PIP5K1C: variants seen among roughly 807,000 people sequenced by gnomAD.
PIP5K1C encodes phosphatidylinositol 4-phosphate 5-kinase type-1 gamma.
A neutral mutation model predicts 80.1 loss-of-function variants in PIP5K1C; 45 were observed. The ratio of observed to expected loss-of-function variants is 0.56; its 90% CI spans 0.44 to 0.72. The LOEUF is 0.72. PIP5K1C is among the 30% of genes least tolerant of loss of function. The pLI is 0.00. For synonymous variants in PIP5K1C, 498 were observed against 420.1 expected (o/e 1.19, Z -2.27); for missense variants, 753 against 954.6 (o/e 0.79, Z 2.78).
chr19:3,696,580 C>T lies in PIP5K1C; in HGVS notation c.94+3717G>A, dbSNP rs1374266192. Among the ~76,000 whole-genome samples, 1 of 137,102 alleles carries T rather than the reference C, an allele frequency of 7.3e-6. No individual in the cohort carries two copies. The highest frequency in any genetic ancestry group is 1.5e-5 in the Non-Finnish European group (1 of 66,124). 89.9% of individuals were successfully genotyped at this position (137,102 alleles called of 152,430 possible). ...TGGAAAGCGCTAAGGGAGCAAAGGACACAGATGGGAGGAGGGGCATTCCGG... is the reference window on the plus strand; with the variant it reads ...TGGAAAGCGCTAAGGGAGCAAAGGATACAGATGGGAGGAGGGGCATTCCGG... On this transcript the variant is annotated intron_variant, in intron 1 of 17. Transcript: ENST00000335312. The surrounding 1 kb of genome is among the most constrained non-coding windows in gnomAD (Gnocchi z 4.1).
intron 15 of PIP5K1C, among the ~76,000 whole-genome samples, chr19:3,639,927 A>G (rs2033893146): frequency 6.6e-6 from 1 of 152,150 alleles, no homozygotes; most frequent in South Asian, 2.1e-4. Context: ...TCATCCCAGG[A>G]ATGAGGCTAA....
At chr19:3,680,317 TC>T (rs752596386) in intron 1 of PIP5K1C, among the ~76,000 whole-genome samples, 61 of 152,356 alleles carry the variant, frequency 4.0e-4, no homozygotes, top group Middle Eastern at 3.4e-3. Context: ...TTTTCTTTTT[TC>T]TTTTGAGACG....
At chr19:3,663,704 C>A (rs997824654) in intron 3 of PIP5K1C, among the ~76,000 whole-genome samples, 1 of 152,200 alleles carries the variant, frequency 6.6e-6, no homozygotes, top group Non-Finnish European at 1.5e-5. Flanking sequence ...CCCATGAGGA[C>A]GCCAGAATCA....
At chr19:3,663,362 C>T (rs540733062) in intron 3 of PIP5K1C, among the ~76,000 whole-genome samples, 1 of 152,200 alleles carries the variant, frequency 6.6e-6, no homozygotes, top group Non-Finnish European at 1.5e-5. Context: ...TGCCCAGTTT[C>T]GGCCTGTCTC....
At chr19:3,687,524 T>C (rs543067070) in intron 1 of PIP5K1C, among the ~76,000 whole-genome samples, 2,571 of 131,592 alleles carry the variant, frequency 0.02, 80 homozygotes, top group African/African-American at 0.072. Flanking sequence ...CATGCACACA[T>C]GCACACGCAC....
At chr19:3,646,195 T>C (rs2034207632) in intron 10 of PIP5K1C, 137 bp from the exon 11 acceptor site, 3 of 614,004 alleles carry the variant, frequency 4.9e-6, no homozygotes, top group African/African-American at 3.7e-5. Flanking sequence ...CATGGCGCCA[T>C]GGCTTCCTGG....
chr19:3,632,856 G>A lies in PIP5K1C; in HGVS notation c.*311C>T. Reference sequence around the variant, plus strand: ...TTCTCCCTCTGGTTGGTTTGTTTGTGTCTTTTTTGTTCTTTTCCTAAAACG... The same window carrying A: ...TTCTCCCTCTGGTTGGTTTGTTTGTATCTTTTTTGTTCTTTTCCTAAAACG... On this transcript the variant is annotated 3_prime_UTR_variant, in exon 18 of 18. Transcript: ENST00000335312. 1.2e-5 allele frequency: 5 copies of A among 425,468 alleles called. No individual in the cohort carries two copies. Among genetic ancestry groups the A allele is most frequent in the Non-Finnish European group, 1.3e-5 (3 of 239,880 alleles). 26.4% of individuals were successfully genotyped at this position (425,468 alleles called of 1,614,324 possible). A position where few individuals can be genotyped will look rare whatever the true frequency, so the allele number is the denominator to read the frequency against.
At chr19:3,662,043 A>C in intron 3 of PIP5K1C, 42 bp from the exon 4 acceptor site, 1 of 1,548,018 alleles carries the variant, frequency 6.5e-7, no homozygotes, top group South Asian at 1.2e-5. Flanking sequence ...GCTGCTCCCC[A>C]CGCTGCCCTG....
chr19:3,652,766 C>T (rs977382555), intron 7 of PIP5K1C, among the ~76,000 whole-genome samples: 2 of 152,156 alleles, frequency 1.3e-5, no homozygotes, highest in Non-Finnish European at 1.5e-5. Flanking sequence ...AGCAGTCATC[C>T]CATTTGATGG....
chr19:3,695,127 C>G (rs767629388), intron 1 of PIP5K1C, among the ~76,000 whole-genome samples: 1 of 152,372 alleles, frequency 6.6e-6, no homozygotes, highest in Non-Finnish European at 1.5e-5. Context: ...TGACGCCCAG[C>G]AACCTGAGGG....
At chr19:3,700,271 G>A (rs1247280615) in intron 1 of PIP5K1C, 26 bp downstream of exon 1, 11 of 1,197,760 alleles carry the variant, frequency 9.2e-6, no homozygotes, top group South Asian at 2.0e-5. Flanking sequence ...CCAGCGGGCC[G>A]CAGCCCCGGG....
At chr19:3,677,091 G>A (rs981495882) in intron 1 of PIP5K1C, among the ~76,000 whole-genome samples, 2 of 152,012 alleles carry the variant, frequency 1.3e-5, no homozygotes, top group African/African-American at 4.8e-5. Flanking sequence ...AACAGAGCAA[G>A]ATCCTGTCTT....
chr19:3,678,340 A>AGGGATGCAGGGACG (rs2035462030), intron 1 of PIP5K1C, among the ~76,000 whole-genome samples: 1 of 78,464 alleles, frequency 1.3e-5, no homozygotes, highest in Non-Finnish European at 2.7e-5. Context: ...ATGCAGGGAC[A>AGGGATGCAGGGACG]GAGGCATGGA....
intron 1 of PIP5K1C, among the ~76,000 whole-genome samples, chr19:3,690,419 G>A (rs1222093802): frequency 1.3e-5 from 2 of 151,652 alleles, no homozygotes; most frequent in Admixed American, 1.3e-4. Flanking sequence ...GGAGGTCGAG[G>A]CTGCGGTGAG....
At chr19:3,638,129 C>T in intron 16 of PIP5K1C, 1 of 1,275,272 alleles carries the variant, frequency 7.8e-7, no homozygotes, top group Non-Finnish European at 1.0e-6. Context: ...AACAAACCAT[C>T]TGGGAAGTGG....
intron 1 of PIP5K1C, among the ~76,000 whole-genome samples, chr19:3,679,931 G>A (rs1357954463): frequency 1.3e-5 from 2 of 152,236 alleles, no homozygotes; most frequent in Admixed American, 6.5e-5. Context: ...AGCAAACGAA[G>A]AGGCAGATGC....
In PIP5K1C at chr19:3,644,372, TG is replaced by T. The variant is rs2034121932; in HGVS notation, c.1346-122del. On this transcript the variant is annotated intron_variant, in intron 11 of 17. Coordinates refer to ENST00000335312, the MANE Select transcript of PIP5K1C (RefSeq NM_012398.3). ...GGCCCACCAGACCCCTACCGGTCCC[TG>T]AGGCCAGGAAGCACCACAACCTCTT... The T allele has an allele frequency of 7.0e-6, 7 of 994,612 alleles. 1 individual carries two copies. The South Asian group carries it at 1.1e-4, about 15-fold the overall frequency. The allele number at this position is 994,612 out of a possible 1,614,324, so 61.6% of individuals were successfully genotyped here. A position where few individuals can be genotyped will look rare whatever the true frequency, so the allele number is the denominator to read the frequency against.
intron 1 of PIP5K1C, among the ~76,000 whole-genome samples, chr19:3,684,015 G>T (rs1170154249): frequency 6.7e-6 from 1 of 149,598 alleles, no homozygotes; most frequent in African/African-American, 2.5e-5. Context: ...GACCAGTGCT[G>T]ACTCTGTCTC....
chr19:3,674,111 G>C (rs115167352), intron 1 of PIP5K1C: 7 of 152,210 alleles, frequency 4.6e-5, no homozygotes, highest in Non-Finnish European at 1.0e-4. Flanking sequence ...CAAAAAGACC[G>C]GGCGGCCCCA....
Sources: gnomAD v4.1 joint callset for allele counts (sites outside exome capture counted in the v4.1 genomes callset) on GRCh38, gnomAD v4.1.1 for gene constraint, Gnocchi (gnomAD v3.1) non-coding constraint, MANE v1.5 for transcripts, NCBI Gene and HGNC (gene_info 2026-07-23, HGNC 2026-07-21) for gene names.